Variants in LINGO2 observed in about 807,000 individuals in gnomAD.
The protein encoded by LINGO2 is leucine-rich repeat and immunoglobulin-like domain-containing nogo receptor-interacting protein 2.
A neutral mutation model predicts 30.6 loss-of-function variants in LINGO2; 14 were observed. The ratio of observed to expected loss-of-function variants is 0.46; its 90% CI spans 0.30 to 0.72. The LOEUF (loss-of-function observed/expected upper bound fraction) is 0.72, where lower values mean the gene tolerates loss of function less well. Among genes scored for constraint, LINGO2 ranks in the 30% least tolerant of loss-of-function variants. The probability of loss-of-function intolerance (pLI) is 0.07; values close to 1 mark genes in which losing one functional copy is unlikely to be tolerated. For synonymous variants in LINGO2, 317 were observed against 288.5 expected, an observed-to-expected ratio of 1.10 and a Z score of -1.00; for missense variants, 729 against 751.7, an observed-to-expected ratio of 0.97 and a Z score of 0.35.
chr9:28,668,047 C>G (rs1466048668), intron 1 of LINGO2, among the ~76,000 whole-genome samples: 2 of 151,974 alleles, frequency 1.3e-5, no homozygotes, highest in Non-Finnish European at 2.9e-5. Flanking sequence ...TTTTCTAGCT[C>G]TTAACTAATA....
chr9:28,237,902 T>C (rs1032039533), intron 4 of LINGO2, among the ~76,000 whole-genome samples: 3 of 151,636 alleles, frequency 2.0e-5, no homozygotes, highest in Non-Finnish European at 4.4e-5. Context: ...CACTGATAAA[T>C]ATGCACATAG....
At chr9:28,758,066 G>A in the LINGO2 span, among the ~76,000 whole-genome samples, 1 of 151,984 alleles carries the variant, frequency 6.6e-6, no homozygotes, top group South Asian at 2.1e-4. Flanking sequence ...AGAGTGCTTA[G>A]AAGCATGTAT....
At chr9:29,088,904 G>A in the LINGO2 span, among the ~76,000 whole-genome samples, 1 of 151,968 alleles carries the variant, frequency 6.6e-6, no homozygotes, top group African/African-American at 2.4e-5. Flanking sequence ...AAACTTAACT[G>A]ATTTAAATCC....
chr9:28,374,453 A>T (rs943887862), intron 2 of LINGO2, among the ~76,000 whole-genome samples: 1 of 152,092 alleles, frequency 6.6e-6, no homozygotes. Context: ...AAATTATACT[A>T]TTTTAATAAG....
intron 2 of LINGO2, among the ~76,000 whole-genome samples, chr9:28,460,260 A>T (rs17772895): frequency 0.015 from 2,349 of 152,316 alleles, 108 homozygotes; most frequent in Admixed American, 0.1. Flanking sequence ...CAACACTCAC[A>T]TAAGATATAT....
intron 1 of LINGO2, among the ~76,000 whole-genome samples, chr9:28,628,958 C>A (rs77445461): frequency 1.3e-5 from 2 of 152,038 alleles, no homozygotes; most frequent in Non-Finnish European, 2.9e-5. Flanking sequence ...GTTTACCATT[C>A]GTAAAAGCAT....
At chr9:28,081,897 T>C (rs1363176889) in intron 4 of LINGO2, among the ~76,000 whole-genome samples, 1 of 152,196 alleles carries the variant, frequency 6.6e-6, no homozygotes, top group Non-Finnish European at 1.5e-5. Context: ...TGCAGATGTA[T>C]ACCATGATAC....
the LINGO2 span, among the ~76,000 whole-genome samples, chr9:28,970,491 G>GA: frequency 2.0e-5 from 3 of 152,108 alleles, no homozygotes; most frequent in Non-Finnish European, 2.9e-5. Flanking sequence ...TGAAGAGGTA[G>GA]AAAAAATCTC....
intron 3 of LINGO2, among the ~76,000 whole-genome samples, chr9:28,320,973 T>C (rs1408835304): frequency 6.6e-6 from 1 of 152,202 alleles, no homozygotes; most frequent in Non-Finnish European, 1.5e-5. Flanking sequence ...ATGCACTTTG[T>C]CTTGCAGCTG....
At chr9:28,844,930 A>G in the LINGO2 span, among the ~76,000 whole-genome samples, 1 of 151,886 alleles carries the variant, frequency 6.6e-6, no homozygotes, top group Non-Finnish European at 1.5e-5. Flanking sequence ...ACACAGTTTT[A>G]TTGTTCTCTT....
chr9:28,734,730 G>A, the LINGO2 span, among the ~76,000 whole-genome samples: 9 of 152,026 alleles, frequency 5.9e-5, no homozygotes, highest in African/African-American at 1.7e-4. Context: ...CTGGGTAACC[G>A]AAAGTACTAT....
At chr9:29,055,949 C>CATAT in the LINGO2 span, among the ~76,000 whole-genome samples, 169 of 123,168 alleles carry the variant, frequency 1.4e-3, 16 homozygotes, top group African/African-American at 4.8e-3. Context: ...TGTATATATA[C>CATAT]ATATATATGT....
the LINGO2 span, among the ~76,000 whole-genome samples, chr9:28,767,656 G>A: frequency 6.6e-6 from 1 of 151,756 alleles, no homozygotes; most frequent in Admixed American, 6.6e-5. Context: ...CGTGGTGGTG[G>A]GTGCCTGTAG....
At chr9:29,201,741 G>A in the LINGO2 span, among the ~76,000 whole-genome samples, 1 of 151,882 alleles carries the variant, frequency 6.6e-6, no homozygotes, top group Non-Finnish European at 1.5e-5. Context: ...CTTAATACAG[G>A]AATGACTTTG....
chr9:29,194,333 G>A, the LINGO2 span, among the ~76,000 whole-genome samples: 1 of 152,092 alleles, frequency 6.6e-6, no homozygotes, highest in Admixed American at 6.5e-5. Flanking sequence ...GTCCCCTATT[G>A]CTACCAACCC....
chr9:28,475,353 T>C (rs1825687497), intron 2 of LINGO2, among the ~76,000 whole-genome samples: 2 of 152,234 alleles, frequency 1.3e-5, no homozygotes, highest in African/African-American at 4.8e-5. Flanking sequence ...AAAATAGAAA[T>C]TTTGGCAGTG....
At chr9:28,574,617 T>A (rs1020608463) in intron 1 of LINGO2, among the ~76,000 whole-genome samples, 4 of 152,156 alleles carry the variant, frequency 2.6e-5, no homozygotes, top group African/African-American at 9.7e-5. Flanking sequence ...ACTCTATATT[T>A]TTTCCATTAT....
intron 4 of LINGO2, among the ~76,000 whole-genome samples, chr9:28,104,733 T>G (rs915432537): frequency 3.9e-5 from 6 of 152,176 alleles, no homozygotes; most frequent in Non-Finnish European, 8.8e-5. Flanking sequence ...TTAAATCCGA[T>G]TCTCCCTTGT....
chr9:28,459,962 T>C (rs1044972994), intron 2 of LINGO2, among the ~76,000 whole-genome samples: 1 of 152,160 alleles, frequency 6.6e-6, no homozygotes. Context: ...TTTAATAAGG[T>C]ATATTACACA....
Sources: gnomAD v4.1 joint callset for allele counts (sites outside exome capture counted in the v4.1 genomes callset) on GRCh38, gnomAD v4.1.1 for gene constraint, MANE v1.5 for transcripts, NCBI Gene and HGNC (gene_info 2026-07-23, HGNC 2026-07-21) for gene names.